The following KIAA1549L variants were observed in gnomAD, a reference collection of about 807,000 sequenced individuals.
KIAA1549L encodes the protein KIAA1549 like.
A neutral mutation model predicts 160.7 loss-of-function variants in KIAA1549L; 88 were observed. The observed-to-expected ratio is 0.55, with a 90% CI of 0.46 to 0.65. The LOEUF (loss-of-function observed/expected upper bound fraction) is 0.65. Among genes scored for constraint, KIAA1549L ranks in the 30% least tolerant of loss-of-function variants. KIAA1549L has a pLI of 0.00. For missense variants in KIAA1549L, 2,258 were observed against 2,437.5 expected (o/e 0.93, Z 1.55); for synonymous variants, 950 against 976.7 (o/e 0.97, Z 0.51).
At chr11:33,509,096 A>AT (rs1853164273) in intron 1 of KIAA1549L, among the ~76,000 whole-genome samples, 1 of 152,112 alleles carries the variant, frequency 6.6e-6, no homozygotes, top group African/African-American at 2.4e-5. Context: ...CTTGGTTTCT[A>AT]TCACTCTTCT....
intron 12 of KIAA1549L, among the ~76,000 whole-genome samples, chr11:33,596,662 T>C (rs1850208679): frequency 6.6e-6 from 1 of 152,136 alleles, no homozygotes; most frequent in East Asian, 1.9e-4. Context: ...TCACTCGAAC[T>C]CGGGAAACGG....
intron 10 of KIAA1549L, 26 bp from the exon 11 acceptor site, chr11:33,583,312 T>C: frequency 1.3e-6 from 2 of 1,584,696 alleles, no homozygotes; most frequent in African/African-American, 1.3e-5. Context: ...GCTTGTCATG[T>C]CCCTCCTGCT....
chr11:33,459,137 T>C (rs952282154), intron 1 of KIAA1549L, among the ~76,000 whole-genome samples: 1 of 152,236 alleles, frequency 6.6e-6, no homozygotes, highest in African/African-American at 2.4e-5. Context: ...GTGGAGACTT[T>C]ATTTCAACTC....
At chr11:33,553,306 ATT>A (rs5790938) in intron 6 of KIAA1549L, among the ~76,000 whole-genome samples, 26,524 of 144,840 alleles carry the variant, frequency 0.18, 2,932 homozygotes, top group East Asian at 0.34. Context: ...GGTGCGCTGT[ATT>A]TTTTTTTTTT....
chr11:33,512,956 A>T (rs1246509772), intron 1 of KIAA1549L, among the ~76,000 whole-genome samples: 1 of 152,070 alleles, frequency 6.6e-6, no homozygotes, highest in Admixed American at 6.6e-5. Flanking sequence ...TGGAGAGAAA[A>T]ATTGCACAGG....
Position 33,661,017 on chromosome 11 carries a change from G to GGGC in KIAA1549L, c.6159+3_6159+4insGGC. On this transcript the variant is annotated splice_donor_region_variant and intron_variant, in intron 20 of 20. Coordinates refer to ENST00000658780, the MANE Select transcript of KIAA1549L (RefSeq NM_012194.3). ...TCCCGAGCCAGTGGGCAGATTCGGT[G>GGGC]AGACCCTTGCTCTTCACCTCATAAA... is the stretch of plus-strand genomic sequence containing the variant. The GGGC allele has an allele frequency of 1.9e-6, 3 of 1,605,910 alleles. No homozygotes were observed. Among genetic ancestry groups the GGGC allele is most frequent in the Non-Finnish European group, 1.7e-6 (2 of 1,175,904 alleles).
At chr11:33,554,948 A>G (rs1049977110) in intron 6 of KIAA1549L, among the ~76,000 whole-genome samples, 1 of 152,168 alleles carries the variant, frequency 6.6e-6, no homozygotes, top group Non-Finnish European at 1.5e-5. Flanking sequence ...ACAGGAATCT[A>G]AGAGTTAAAG....
intron 14 of KIAA1549L, among the ~76,000 whole-genome samples, chr11:33,607,914 T>G (rs1850550103): frequency 6.6e-6 from 1 of 152,250 alleles, no homozygotes; most frequent in Non-Finnish European, 1.5e-5. Context: ...TACAGAGCAC[T>G]TCTCTTTCAG....
chr11:33,499,824 T>C (rs1018961982), intron 1 of KIAA1549L, among the ~76,000 whole-genome samples: 1 of 152,188 alleles, frequency 6.6e-6, no homozygotes, highest in Admixed American at 6.5e-5. Flanking sequence ...AGCCCTATGG[T>C]AGTGATAGTG....
intron 11 of KIAA1549L, among the ~76,000 whole-genome samples, chr11:33,590,760 G>A (rs1850028956): frequency 6.6e-6 from 1 of 152,162 alleles, no homozygotes; most frequent in South Asian, 2.1e-4. Flanking sequence ...GTTCTCAGAT[G>A]AAAAAATTGA....
chr11:33,456,239 T>C (rs534983451), intron 1 of KIAA1549L, among the ~76,000 whole-genome samples: 1 of 152,180 alleles, frequency 6.6e-6, no homozygotes, highest in African/African-American at 2.4e-5. Context: ...CTAATTAATT[T>C]TTCCCCCTAG....
At chr11:33,468,660 AGAGT>A (rs1852111706) in intron 1 of KIAA1549L, among the ~76,000 whole-genome samples, 1 of 152,230 alleles carries the variant, frequency 6.6e-6, no homozygotes, top group Non-Finnish European at 1.5e-5. Context: ...TATTTATAAA[AGAGT>A]GAGAAGATTA....
intron 16 of KIAA1549L, among the ~76,000 whole-genome samples, chr11:33,641,578 A>G (rs1450727788): frequency 8.3e-3 from 9 of 1,086 alleles, no homozygotes; most frequent in East Asian, 0.1. Flanking sequence ...ATCTGTATAT[A>G]TATATATATA....
intron 1 of KIAA1549L, among the ~76,000 whole-genome samples, chr11:33,493,314 C>G (rs1852739280): frequency 6.6e-6 from 1 of 152,202 alleles, no homozygotes; most frequent in Non-Finnish European, 1.5e-5. Context: ...CCCCTTCTTC[C>G]ATCTTCTGCC....
chr11:33,489,752 T>C (rs945049257), intron 1 of KIAA1549L, among the ~76,000 whole-genome samples: 6 of 152,204 alleles, frequency 3.9e-5, no homozygotes, highest in Non-Finnish European at 7.3e-5. Context: ...CTACATTCCA[T>C]TGGCCAGGAC....
chr11:33,627,698 C>T (rs1424342044), intron 16 of KIAA1549L, among the ~76,000 whole-genome samples: 1 of 152,092 alleles, frequency 6.6e-6, no homozygotes, highest in African/African-American at 2.4e-5. Flanking sequence ...TGCTAATAAA[C>T]AAAATCTATC....
intron 1 of KIAA1549L, among the ~76,000 whole-genome samples, chr11:33,492,148 C>T (rs557085326): frequency 2.0e-5 from 3 of 152,254 alleles, no homozygotes; most frequent in Admixed American, 6.5e-5. Context: ...GGACAGATCA[C>T]CTGAGGTCAG....
intron 2 of KIAA1549L, among the ~76,000 whole-genome samples, 190 bp from the exon 3 acceptor site, chr11:33,544,577 A>C (rs1023004055): frequency 6.6e-6 from 1 of 152,196 alleles, no homozygotes; most frequent in Admixed American, 6.5e-5. Flanking sequence ...GCTGTGCTGT[A>C]AGTGGCATTC....
rs368361065 is a variant in KIAA1549L at position 33,466,473 on chromosome 11, C to T, written c.239-75329C>T. On this transcript the variant is annotated intron_variant, in intron 1 of 20. Coordinates refer to ENST00000658780, the MANE Select transcript of KIAA1549L (RefSeq NM_012194.3). ...CATTAAAAAGTCAGGAAATAACAGA[C>T]GCTGGAGAGGATGTGGAGAAACAGG... Among the ~76,000 whole-genome samples the T allele has an allele frequency of 1.4e-4, 21 of 152,244 alleles. 1 individual carries two copies. In the East Asian group the frequency reaches 2.7e-3, roughly 20 times the overall value.
Sources: gnomAD v4.1 joint callset for allele counts (sites outside exome capture counted in the v4.1 genomes callset) on GRCh38, gnomAD v4.1.1 for gene constraint, MANE v1.5 for transcripts, NCBI Gene and HGNC (gene_info 2026-07-23, HGNC 2026-07-21) for gene names.